CSNK1G1: variants seen among roughly 807,000 people sequenced by gnomAD.
The protein encoded by CSNK1G1 is casein kinase 1 gamma 1, also known as casein kinase I isoform gamma-1.
Under a neutral mutation model 59.6 loss-of-function variants are expected in CSNK1G1, and 22 were observed. The ratio of observed to expected loss-of-function variants is 0.37; its 90% CI spans 0.26 to 0.53. CSNK1G1 has a LOEUF of 0.53. CSNK1G1 is among the 20% of genes least tolerant of loss of function. The pLI is 0.89. For synonymous variants in CSNK1G1, 179 were observed against 177.1 expected, an observed-to-expected ratio of 1.01 and a Z score of -0.08; for missense variants, 384 against 519.5, an observed-to-expected ratio of 0.74 and a Z score of 2.54.
chr15:64,324,196 C>T (rs916518311), intron 1 of CSNK1G1, among the ~76,000 whole-genome samples: 1 of 152,070 alleles, frequency 6.6e-6, no homozygotes, highest in Non-Finnish European at 1.5e-5. Flanking sequence ...CTATAAATAC[C>T]GAAGCATATG....
At chr15:64,243,535 A>C (rs1012614349) in intron 4 of CSNK1G1, among the ~76,000 whole-genome samples, 3 of 152,110 alleles carry the variant, frequency 2.0e-5, no homozygotes, top group African/African-American at 7.2e-5. Context: ...ATAGTACTAG[A>C]AGTACTATCC....
chr15:64,343,800 A>G (rs1234273491), intron 1 of CSNK1G1, among the ~76,000 whole-genome samples: 2 of 151,070 alleles, frequency 1.3e-5, no homozygotes, highest in South Asian at 2.1e-4. Flanking sequence ...TTCAATTTCT[A>G]TATTACCACA....
rs1298937491 is a variant in CSNK1G1 at position 64,200,277 on chromosome 15, T to C, written c.1107+2805A>G. Among the ~76,000 whole-genome samples, 1 of 152,190 alleles carries C rather than the reference T, an allele frequency of 6.6e-6. No homozygotes were observed. The highest frequency in any genetic ancestry group is 1.9e-4 in the East Asian group (1 of 5,198). ...ACACAAGGATATATGTTGACTGTGATATGACACTACTTATCTATTTTTTCT... is the reference window on the plus strand; with the variant it reads ...ACACAAGGATATATGTTGACTGTGACATGACACTACTTATCTATTTTTTCT... On this transcript the variant is annotated intron_variant, in intron 10 of 11. Coordinates refer to ENST00000303052, the MANE Select transcript of CSNK1G1 (RefSeq NM_022048.5). This position sits in a 1 kb window ranked among gnomAD's most constrained non-coding sequence, Gnocchi z 4.3.
At chr15:64,308,509 T>C (rs1008792989) in intron 1 of CSNK1G1, among the ~76,000 whole-genome samples, 2 of 152,160 alleles carry the variant, frequency 1.3e-5, no homozygotes, top group Non-Finnish European at 2.9e-5. Context: ...CACACTCATT[T>C]ACTCTCATTG....
chr15:64,222,531 C>A (rs1290769921), intron 4 of CSNK1G1, among the ~76,000 whole-genome samples: 1 of 150,796 alleles, frequency 6.6e-6, no homozygotes, highest in African/African-American at 2.4e-5. Flanking sequence ...TAGCTACCTT[C>A]TGGGTTCCTC....
At chr15:64,341,539 C>T (rs1036704042) in intron 1 of CSNK1G1, among the ~76,000 whole-genome samples, 1 of 152,192 alleles carries the variant, frequency 6.6e-6, no homozygotes, top group Non-Finnish European at 1.5e-5. Context: ...GTGGCATGAT[C>T]AGATCTCACT....
chr15:64,320,678 CAAAAAAA>C (rs1031206646), intron 1 of CSNK1G1, among the ~76,000 whole-genome samples: 70 of 43,144 alleles, frequency 1.6e-3, no homozygotes, highest in African/African-American at 3.8e-3. Context: ...GGCTCCATCA[CAAAAAAA>C]AAAAAAAAAA....
At chr15:64,337,130 A>AG (rs1255962022) in intron 1 of CSNK1G1, among the ~76,000 whole-genome samples, 2 of 152,256 alleles carry the variant, frequency 1.3e-5, no homozygotes, top group African/African-American at 4.8e-5. Context: ...CAGGAGGCTG[A>AG]GGCAGGAGAA....
chr15:64,313,052 G>C (rs897463994), intron 1 of CSNK1G1, among the ~76,000 whole-genome samples: 8 of 152,168 alleles, frequency 5.3e-5, no homozygotes, highest in African/African-American at 1.9e-4. Flanking sequence ...ACCACAATGA[G>C]ATACCATCTC....
At chr15:64,343,039 C>T (rs1897755513) in intron 1 of CSNK1G1, among the ~76,000 whole-genome samples, 1 of 152,040 alleles carries the variant, frequency 6.6e-6, no homozygotes, top group Non-Finnish European at 1.5e-5. Flanking sequence ...ATGGAGAAAC[C>T]CTACCTCTAT....
chr15:64,183,183 C>T (rs892358615), intron 10 of CSNK1G1, among the ~76,000 whole-genome samples: 5 of 152,140 alleles, frequency 3.3e-5, no homozygotes, highest in African/African-American at 9.7e-5. Context: ...CTGCTCACAG[C>T]GTTTCACATG....
At chr15:64,251,445 T>A (rs1481179233) in intron 4 of CSNK1G1, 67 bp downstream of exon 4, 12 of 1,175,168 alleles carry the variant, frequency 1.0e-5, no homozygotes, top group Admixed American at 8.7e-5. Flanking sequence ...GACAAAAAAA[T>A]TTGTATATTT....
rs748602996 is a variant in CSNK1G1 at position 64,300,450 on chromosome 15, GGTTTAGTTGTCC to G, written c.38_49del (p.Arg13_Lys16del). 8.1e-6 allele frequency: 13 copies of G among 1,614,026 alleles called. No homozygotes were observed. The Admixed American group carries it at 1.2e-4, about 14-fold the overall frequency. ...GCAGTGTGCACTCCTTTGTGCCATG[GGTTTAGTTGTCC>G]GTTGTCTTTCATCCTTTTCCCTACT... is the stretch of plus-strand genomic sequence containing the variant. On this transcript the variant is annotated inframe_deletion, in exon 2 of 12. Transcript: ENST00000303052.
intron 10 of CSNK1G1, among the ~76,000 whole-genome samples, chr15:64,201,453 T>C (rs2082106569): frequency 6.6e-6 from 1 of 152,162 alleles, no homozygotes; most frequent in Non-Finnish European, 1.5e-5. Context: ...AGTCTTTTGT[T>C]GTCAAACCAG....
At chr15:64,199,250 C>CAAAAAAAAAAAAAAAAAAAA (rs56819260) in intron 10 of CSNK1G1, among the ~76,000 whole-genome samples, 20 of 52,286 alleles carry the variant, frequency 3.8e-4, no homozygotes, top group African/African-American at 6.7e-4. Flanking sequence ...AATCTTTTCT[C>CAAAAAAAAAAAAAAAAAAAA]AAAAAAAAAA....
intron 1 of CSNK1G1, among the ~76,000 whole-genome samples, chr15:64,333,433 C>A (rs1438621678): frequency 6.5e-4 from 15 of 23,084 alleles, no homozygotes; most frequent in South Asian, 4.1e-3. Flanking sequence ...GACACCATCT[C>A]AAAAAAAAAA....
chr15:64,217,118 A>G (rs2082321827), intron 4 of CSNK1G1, among the ~76,000 whole-genome samples: 1 of 152,186 alleles, frequency 6.6e-6, no homozygotes, highest in South Asian at 2.1e-4. Context: ...GTTCATGAGC[A>G]CTCTCTATGC....
At position 64,216,564 on chromosome 15, in the gene CSNK1G1, G is replaced by T. The variant is rs6494466; in HGVS notation, c.442C>A (p.Leu148Met). 3 of 1,613,306 alleles carry T rather than the reference G, an allele frequency of 1.9e-6. No individual in the cohort carries two copies. The Admixed American group carries it at 5.0e-5, about 27-fold the overall frequency. Residue 148 changes from leucine (L) to methionine (M), a missense_variant and splice_region_variant, in exon 5 of 12, where the codon CTG becomes ATG. Leu to Met is a conservative substitution (Grantham distance 15). Transcript: ENST00000303052. The surrounding 1 kb of genome is among the most constrained non-coding windows in gnomAD (Gnocchi z 4.6). Reference sequence around the variant, plus strand: ...CTAGAAGAGCAATTCCAACTTACCAGCTGGATGGCTATCATTAACACCGTC... The same window carrying T: ...CTAGAAGAGCAATTCCAACTTACCATCTGGATGGCTATCATTAACACCGTC... ...LKTVLMIAIQ[L>M]LSRMEYVHSK...
chr15:64,340,573 C>T (rs1208421210), intron 1 of CSNK1G1, among the ~76,000 whole-genome samples: 3 of 152,162 alleles, frequency 2.0e-5, no homozygotes, highest in Non-Finnish European at 2.9e-5. Flanking sequence ...AGAATCACCA[C>T]TCCCTCAGTA....
Sources: allele counts gnomAD v4.1 joint callset (sites outside exome capture counted in the v4.1 genomes callset), GRCh38; gene constraint gnomAD v4.1.1; non-coding constraint Gnocchi (gnomAD v3.1); transcripts MANE v1.5; gene names NCBI Gene and HGNC (gene_info 2026-07-23, HGNC 2026-07-21).